CCAR1: variants seen among roughly 807,000 people sequenced by gnomAD.
The protein encoded by CCAR1 is cell division cycle and apoptosis regulator 1.
Under a neutral mutation model 163.8 loss-of-function variants are expected in CCAR1, and 78 were observed. The ratio of observed to expected loss-of-function variants is 0.48; its 90% CI spans 0.40 to 0.57. The LOEUF (loss-of-function observed/expected upper bound fraction) is 0.57, where lower values mean the gene tolerates loss of function less well. Ranked by LOEUF, CCAR1 falls within the 20% of genes least tolerant of loss-of-function variation. The probability of loss-of-function intolerance (pLI) is 0.00; values close to 1 mark genes in which losing one functional copy is unlikely to be tolerated. For synonymous variants in CCAR1, 443 were observed against 460.7 expected (o/e 0.96, Z 0.49); for missense variants, 1,019 against 1,365.2 (o/e 0.75, Z 4.00).
At chr10:68,723,683 C>T (rs71478855) in intron 2 of CCAR1, among the ~76,000 whole-genome samples, 9,732 of 149,532 alleles carry the variant, frequency 0.065, 424 homozygotes, top group South Asian at 0.14. Flanking sequence ...CCCGTCTCTA[C>T]TAAAAATACA....
intron 19 of CCAR1, among the ~76,000 whole-genome samples, chr10:68,777,073 G>C (rs2056675658): frequency 6.6e-6 from 1 of 152,118 alleles, no homozygotes; most frequent in African/African-American, 2.4e-5. Flanking sequence ...AAACCCAGGA[G>C]TCATCCTTGA....
intron 2 of CCAR1, among the ~76,000 whole-genome samples, chr10:68,731,043 A>G (rs1016422445): frequency 2.0e-5 from 3 of 152,154 alleles, no homozygotes; most frequent in Non-Finnish European, 4.4e-5. Flanking sequence ...CATTTCATTT[A>G]GTTATTTGTG....
At chr10:68,734,078 T>A (rs1009137934) in intron 2 of CCAR1, among the ~76,000 whole-genome samples, 1 of 152,204 alleles carries the variant, frequency 6.6e-6, no homozygotes, top group Admixed American at 6.5e-5. Context: ...TTATTTTTTT[T>A]TATTTTAAAT....
intron 9 of CCAR1, 59 bp from the exon 10 acceptor site, chr10:68,749,465 T>C: frequency 1.4e-6 from 2 of 1,449,402 alleles, no homozygotes; most frequent in South Asian, 1.2e-5. Context: ...ATTTACTTCA[T>C]TGAAGAGCTT....
intron 18 of CCAR1, among the ~76,000 whole-genome samples, 175 bp downstream of exon 18, chr10:68,771,620 A>G (rs1455956588): frequency 6.6e-6 from 1 of 152,070 alleles, no homozygotes; most frequent in Non-Finnish European, 1.5e-5. Context: ...CGTCTCCACT[A>G]AAGATCCAAA....
At chr10:68,773,254 G>A (rs1270751359) in intron 19 of CCAR1, among the ~76,000 whole-genome samples, 155 bp downstream of exon 19, 1 of 152,000 alleles carries the variant, frequency 6.6e-6, no homozygotes, top group Non-Finnish European at 1.5e-5. Context: ...TGATTTTTAG[G>A]TGAGAAGATT....
intron 2 of CCAR1, among the ~76,000 whole-genome samples, chr10:68,724,160 G>GA (rs35445759): frequency 2.4e-4 from 36 of 147,028 alleles, no homozygotes; most frequent in African/African-American, 8.3e-4. Context: ...CTCTGTCTCA[G>GA]AAAAAAAAAA....
chr10:68,723,263 A>G (rs1445580504), intron 2 of CCAR1, among the ~76,000 whole-genome samples: 1 of 149,610 alleles, frequency 6.7e-6, no homozygotes, highest in Non-Finnish European at 1.5e-5. Flanking sequence ...CTGGGACTAC[A>G]GGCACCCGCC....
chr10:68,757,119 G>C (rs779283975), intron 14 of CCAR1, among the ~76,000 whole-genome samples, 175 bp from the exon 15 acceptor site: 11 of 152,294 alleles, frequency 7.2e-5, no homozygotes, highest in Admixed American at 6.5e-5. Flanking sequence ...GTGTCTTTGT[G>C]ATCAGTTAAA....
intron 17 of CCAR1, among the ~76,000 whole-genome samples, chr10:68,767,127 G>GGT: frequency 6.6e-6 from 1 of 152,048 alleles, no homozygotes; most frequent in South Asian, 2.1e-4. Context: ...TTGGGGATGA[G>GGT]GTAATGCTTT....
At chr10:68,749,294 G>T (rs1432187637) in intron 9 of CCAR1, 29 bp downstream of exon 9, 1 of 1,576,884 alleles carries the variant, frequency 6.3e-7, no homozygotes, top group Non-Finnish European at 8.6e-7. Context: ...ACTGTGGATG[G>T]TGGCAATGGT....
At position 68,737,998 on chromosome 10, in the gene CCAR1, A is replaced by C. The variant is rs73264527; in HGVS notation, c.291+109A>C. 9 of 741,068 alleles carry C rather than the reference A, an allele frequency of 1.2e-5. No homozygotes were observed. In the African/African-American group the frequency reaches 1.3e-4, roughly 10 times the overall value. 45.9% of individuals were successfully genotyped at this position (741,068 alleles called of 1,614,324 possible). On this transcript the variant is annotated intron_variant, in intron 4 of 24. Coordinates refer to ENST00000265872, the MANE Select transcript of CCAR1 (RefSeq NM_018237.4). ...ATCAGCTACCTTAACATGTGATACA[A>C]ATTTTTTGGGAGGGGCTAGAGTAAA...
chr10:68,772,657 C>G (rs1452966078), intron 18 of CCAR1, among the ~76,000 whole-genome samples: 1 of 151,102 alleles, frequency 6.6e-6, no homozygotes, highest in African/African-American at 2.4e-5. Context: ...CTTTGGGAAG[C>G]TGAGGTGGGT....
In CCAR1 at chr10:68,747,368, T is replaced by C. The variant is rs779635915; in HGVS notation, c.634-6T>C. Reference sequence around the variant, plus strand: ...TTTTTCTTATTCTTTCATTTTTTAATTGAAGAATCAGTCGCAAACCCAGCC... The same window carrying C: ...TTTTTCTTATTCTTTCATTTTTTAACTGAAGAATCAGTCGCAAACCCAGCC... On this transcript the variant is annotated splice_region_variant and splice_polypyrimidine_tract_variant and intron_variant, in intron 7 of 24. Transcript: ENST00000265872. 1.2e-6 allele frequency: 2 copies of C among 1,604,020 alleles called. No homozygotes were observed. The highest frequency in any genetic ancestry group is 3.5e-5 in the Admixed American group (2 of 57,364).
chr10:68,779,919 C>T (rs1056018792), intron 19 of CCAR1, among the ~76,000 whole-genome samples: 1 of 152,050 alleles, frequency 6.6e-6, no homozygotes, highest in African/African-American at 2.4e-5. Context: ...TTGTAGATAG[C>T]ATGTTCTATA....
chr10:68,740,832 T>C (rs2056173076), intron 5 of CCAR1, among the ~76,000 whole-genome samples, 171 bp downstream of exon 5: 1 of 151,904 alleles, frequency 6.6e-6, no homozygotes, highest in South Asian at 2.1e-4. Context: ...TTTTGATGGT[T>C]TCTCCTTGTA....
intron 16 of CCAR1, among the ~76,000 whole-genome samples, chr10:68,761,483 T>A (rs950166732): frequency 6.6e-6 from 1 of 151,778 alleles, no homozygotes; most frequent in Non-Finnish European, 1.5e-5. Context: ...ATTTTTTGTA[T>A]TTTTAGTAGA....
chr10:68,759,071 G>A (rs902138701), intron 15 of CCAR1, among the ~76,000 whole-genome samples: 3 of 151,862 alleles, frequency 2.0e-5, no homozygotes, highest in African/African-American at 4.8e-5. Flanking sequence ...TAAAAGTTAC[G>A]ATCACTTCAA....
At position 68,754,793 on chromosome 10, in the gene CCAR1, G is replaced by A. The variant is rs923596775; in HGVS notation, c.1424G>A (p.Arg475Gln). 15 of 1,608,200 alleles carry A rather than the reference G, an allele frequency of 9.3e-6. No homozygotes were observed. The highest frequency in any genetic ancestry group is 1.7e-5 in the Admixed American group (1 of 59,984). Residue 475 changes from arginine (R) to glutamine (Q), a missense_variant, in exon 12 of 25, where the codon CGA becomes CAA. Physicochemically the swap from Arg to Gln is conservative, Grantham distance 43. Coordinates refer to ENST00000265872, the MANE Select transcript of CCAR1 (RefSeq NM_018237.4). ...CALAEDPQEL[R>Q]DGFQHPARLV... Reference sequence around the variant, plus strand: ...CTTGCTGAGGACCCACAAGAACTTCGAGATGGATTCCAACATCCTGCTAGA... The same window carrying A: ...CTTGCTGAGGACCCACAAGAACTTCAAGATGGATTCCAACATCCTGCTAGA...
Sources: allele counts gnomAD v4.1 joint callset (sites outside exome capture counted in the v4.1 genomes callset), GRCh38; gene constraint gnomAD v4.1.1; transcripts MANE v1.5; gene names NCBI Gene and HGNC (gene_info 2026-07-23, HGNC 2026-07-21).